Variants in DDR2 observed in about 807,000 individuals in gnomAD.
DDR2 encodes the protein discoidin domain-containing receptor 2.
Under a neutral mutation model 94.9 loss-of-function variants are expected in DDR2, and 27 were observed. The ratio of observed to expected loss-of-function variants is 0.28; its 90% CI spans 0.21 to 0.39. DDR2 has a LOEUF of 0.39. Among genes scored for constraint, DDR2 ranks in the 10% least tolerant of loss-of-function variants. The pLI, the probability that DDR2 is intolerant of heterozygous loss-of-function variation, is 1.00. For synonymous variants in DDR2, 382 were observed against 377.2 expected, an observed-to-expected ratio of 1.01 and a Z score of -0.15; for missense variants, 783 against 1,076.0, an observed-to-expected ratio of 0.73 and a Z score of 3.81.
intron 2 of DDR2, among the ~76,000 whole-genome samples, chr1:162,709,673 G>T (rs986886176): frequency 1.3e-5 from 2 of 152,204 alleles, no homozygotes; most frequent in East Asian, 3.8e-4. Context: ...ACCAGCACAT[G>T]CTTCCAAGGG....
intron 2 of DDR2, among the ~76,000 whole-genome samples, chr1:162,686,797 T>G (rs1404844290): frequency 2.6e-5 from 4 of 152,188 alleles, no homozygotes; most frequent in African/African-American, 9.6e-5. Context: ...AGGCTGGTCT[T>G]GAACTCCTAA....
intron 2 of DDR2, among the ~76,000 whole-genome samples, chr1:162,696,729 C>T (rs1485179259): frequency 2.6e-5 from 4 of 152,204 alleles, no homozygotes; most frequent in Admixed American, 2.0e-4. Flanking sequence ...CCTCTCCACC[C>T]ATACCCTTGC....
chr1:162,630,893 G>C (rs1656526006), upstream of DDR2, among the ~76,000 whole-genome samples: 1 of 152,180 alleles, frequency 6.6e-6, no homozygotes, highest in African/African-American at 2.4e-5. Flanking sequence ...TTCAGATGCT[G>C]TAAGTTATTT....
chr1:162,779,959 A>G (rs1314308360), intron 17 of DDR2, among the ~76,000 whole-genome samples, 153 bp from the exon 18 acceptor site: 1 of 152,176 alleles, frequency 6.6e-6, no homozygotes, highest in African/African-American at 2.4e-5. Flanking sequence ...CACGAGTAGG[A>G]AAAATGGACA....
intron 1 of DDR2, among the ~76,000 whole-genome samples, chr1:162,634,938 G>A (rs1656741387): frequency 6.6e-6 from 1 of 152,174 alleles, no homozygotes; most frequent in Non-Finnish European, 1.5e-5. Flanking sequence ...CCTATTCTGT[G>A]CCTGCAGTCA....
At chr1:162,646,069 C>T (rs1657392714) in intron 1 of DDR2, among the ~76,000 whole-genome samples, 1 of 152,204 alleles carries the variant, frequency 6.6e-6, no homozygotes, top group Non-Finnish European at 1.5e-5. Flanking sequence ...GTTTTCCCAA[C>T]ATTTCCTCTA....
intron 17 of DDR2, 131 bp from the exon 18 acceptor site, chr1:162,779,981 T>C: frequency 1.5e-6 from 2 of 1,340,504 alleles, no homozygotes; most frequent in Non-Finnish European, 2.1e-6. Flanking sequence ...TACACCCATT[T>C]CAGTTATCAA....
intron 3 of DDR2, among the ~76,000 whole-genome samples, chr1:162,720,599 A>T (rs2102034101): frequency 6.6e-6 from 1 of 152,240 alleles, no homozygotes; most frequent in Middle Eastern, 3.4e-3. Flanking sequence ...ATTATGAACA[A>T]AACTCCTATA....
chr1:162,659,704 T>C (rs1179931921), intron 2 of DDR2, among the ~76,000 whole-genome samples: 1 of 152,140 alleles, frequency 6.6e-6, no homozygotes, highest in African/African-American at 2.4e-5. Context: ...TCTCGCTGAG[T>C]GTGAGTGCAG....
At chr1:162,709,298 A>C (rs1571225849) in intron 2 of DDR2, among the ~76,000 whole-genome samples, 1 of 152,242 alleles carries the variant, frequency 6.6e-6, no homozygotes, top group Non-Finnish European at 1.5e-5. Context: ...TATCAGAGAC[A>C]GACAGGGCCT....
intron 1 of DDR2, among the ~76,000 whole-genome samples, chr1:162,649,646 A>T (rs1420888351): frequency 6.6e-6 from 1 of 152,254 alleles, no homozygotes. Context: ...AGTAGAGCGG[A>T]CAGTGACAAG....
intron 2 of DDR2, among the ~76,000 whole-genome samples, chr1:162,660,393 G>A (rs996361192): frequency 6.6e-6 from 1 of 151,744 alleles, no homozygotes; most frequent in Non-Finnish European, 1.5e-5. Flanking sequence ...ATATTGTCTT[G>A]TAGAAAATGG....
chr1:162,686,553 T>C (rs1181547613), intron 2 of DDR2, among the ~76,000 whole-genome samples: 1 of 152,218 alleles, frequency 6.6e-6, no homozygotes, highest in African/African-American at 2.4e-5. Flanking sequence ...GAACTCATTG[T>C]TTTTTATGGC....
chr1:162,638,948 A>ATTCTTTTTTTTT (rs1259647775), intron 1 of DDR2, among the ~76,000 whole-genome samples: 1 of 152,012 alleles, frequency 6.6e-6, no homozygotes, highest in African/African-American at 2.4e-5. Flanking sequence ...CAACGAACTG[A>ATTCTTTTTTTTT]TTCTTTTTTT....
intron 9 of DDR2, among the ~76,000 whole-genome samples, chr1:162,764,149 T>C (rs773680083): frequency 3.8e-4 from 58 of 152,202 alleles, no homozygotes; most frequent in Admixed American, 6.5e-4. Context: ...GATAATTCTT[T>C]TCTGTATGTA....
rs116302378 is a variant in DDR2 at position 162,745,749 on chromosome 1, A to G, written c.83-7346A>G. 9.5e-3 allele frequency among the ~76,000 whole-genome samples: 1,442 copies of G among 152,272 alleles called. 20 individuals carry two copies. Among genetic ancestry groups the G allele is most frequent in the African/African-American group, 0.033 (1,376 of 41,552 alleles). On this transcript the variant is annotated intron_variant, in intron 3 of 17. Coordinates refer to ENST00000367921, the MANE Select transcript of DDR2 (RefSeq NM_006182.4). ...AAATATTTTGAAATTAGGACGTGTG[A>G]TACTTCTGACTGATTTCTTCTTTTT... is the stretch of plus-strand genomic sequence containing the variant.
chr1:162,684,625 T>G (rs1042078960), intron 2 of DDR2, among the ~76,000 whole-genome samples: 1 of 152,068 alleles, frequency 6.6e-6, no homozygotes, highest in Non-Finnish European at 1.5e-5. Context: ...TTACAGCAAT[T>G]TAACAGTGGT....
Position 162,718,434 on chromosome 1 carries a change from A to G in DDR2, c.-27-603A>G, listed in dbSNP as rs532625329. 5.3e-5 allele frequency among the ~76,000 whole-genome samples: 8 copies of G among 152,314 alleles called. No individual in the cohort carries two copies. The South Asian group carries it at 1.7e-3, about 32-fold the overall frequency. On this transcript the variant is annotated intron_variant, in intron 2 of 17. Coordinates refer to ENST00000367921, the MANE Select transcript of DDR2 (RefSeq NM_006182.4). ...TGTATACTAACCCAGGCATATACACATATCTATAAATATTTCCATATGTAA... is the reference window on the plus strand; with the variant it reads ...TGTATACTAACCCAGGCATATACACGTATCTATAAATATTTCCATATGTAA...
chr1:162,736,709 T>A (rs1465979042), intron 3 of DDR2, among the ~76,000 whole-genome samples: 1 of 152,246 alleles, frequency 6.6e-6, no homozygotes, highest in Non-Finnish European at 1.5e-5. Flanking sequence ...ACTATGACAC[T>A]ATTTGCTTGC....
Sources: allele counts gnomAD v4.1 joint callset (sites outside exome capture counted in the v4.1 genomes callset), GRCh38; gene constraint gnomAD v4.1.1; transcripts MANE v1.5; gene names NCBI Gene and HGNC (gene_info 2026-07-23, HGNC 2026-07-21).